NRXN1: variants seen among roughly 807,000 people sequenced by gnomAD.
NRXN1 encodes the protein neurexin 1.
Under a neutral mutation model 150.9 loss-of-function variants are expected in NRXN1, and 39 were observed. The ratio of observed to expected loss-of-function variants is 0.26; its 90% confidence interval spans 0.20 to 0.34. The LOEUF (loss-of-function observed/expected upper bound fraction) is 0.34. Ranked by LOEUF, NRXN1 falls within the 10% of genes least tolerant of loss-of-function variation. The pLI is 1.00. For missense variants in NRXN1, 1,815 were observed against 1,949.9 expected (o/e 0.93, Z 1.30); for synonymous variants, 924 against 757.0 (o/e 1.22, Z -3.62).
At chr2:50,511,561 A>T (rs1407267003) in intron 12 of NRXN1, among the ~76,000 whole-genome samples, 1 of 152,138 alleles carries the variant, frequency 6.6e-6, no homozygotes, top group East Asian at 1.9e-4. Flanking sequence ...GCTAAAACCT[A>T]TTGATAACAG....
At chr2:50,462,575 T>TAC (rs1343603631) in intron 17 of NRXN1, among the ~76,000 whole-genome samples, 6 of 151,864 alleles carry the variant, frequency 4.0e-5, no homozygotes, top group Non-Finnish European at 8.8e-5. Flanking sequence ...CATTACCCTG[T>TAC]ACACACACCT....
chr2:50,883,139 T>A (rs1005619591), intron 5 of NRXN1, among the ~76,000 whole-genome samples: 1 of 151,882 alleles, frequency 6.6e-6, no homozygotes, highest in Non-Finnish European at 1.5e-5. Context: ...TCTGAAAGTC[T>A]TGACCTTTGT....
chr2:50,032,599 A>G (rs897337150), intron 21 of NRXN1, among the ~76,000 whole-genome samples: 1 of 152,024 alleles, frequency 6.6e-6, no homozygotes, highest in Non-Finnish European at 1.5e-5. Context: ...TGTTCCCGGA[A>G]AATTCATAGG....
At chr2:50,673,043 T>G (rs1488838047) in intron 5 of NRXN1, among the ~76,000 whole-genome samples, 1 of 152,060 alleles carries the variant, frequency 6.6e-6, no homozygotes, top group Non-Finnish European at 1.5e-5. Context: ...CTGCATATAT[T>G]ACAAAGCAGA....
chr2:50,084,493 C>A (rs1698494059), intron 19 of NRXN1, among the ~76,000 whole-genome samples: 1 of 152,188 alleles, frequency 6.6e-6, no homozygotes, highest in South Asian at 2.1e-4. Context: ...GGCCGGCCGG[C>A]CGCTGCAAGT....
chr2:50,034,203 T>G (rs1489569752), intron 21 of NRXN1, among the ~76,000 whole-genome samples: 1 of 152,068 alleles, frequency 6.6e-6, no homozygotes, highest in Non-Finnish European at 1.5e-5. Flanking sequence ...ATATGTTCAT[T>G]GCAGCACCAT....
chr2:50,575,763 G>A (rs999192740), intron 8 of NRXN1, among the ~76,000 whole-genome samples: 1 of 152,144 alleles, frequency 6.6e-6, no homozygotes, highest in Admixed American at 6.5e-5. Context: ...CTGACTTGTA[G>A]AAAGTGTTCA....
intron 17 of NRXN1, among the ~76,000 whole-genome samples, chr2:50,327,627 C>T (rs149921843): frequency 6.6e-5 from 10 of 151,612 alleles, no homozygotes; most frequent in African/African-American, 2.4e-4. Context: ...CCCTCCTTCC[C>T]TCCCTTCCTT....
intron 5 of NRXN1, among the ~76,000 whole-genome samples, chr2:50,666,699 T>G (rs1688070989): frequency 6.6e-6 from 1 of 151,918 alleles, no homozygotes; most frequent in Non-Finnish European, 1.5e-5. Context: ...TCATTCAGAA[T>G]AGATTATGCA....
intron 5 of NRXN1, among the ~76,000 whole-genome samples, chr2:50,674,514 A>T (rs1050983802): frequency 6.6e-6 from 1 of 152,088 alleles, no homozygotes; most frequent in African/African-American, 2.4e-5. Context: ...TTAAGTATGG[A>T]AAATAGAAAG....
chr2:50,336,203 A>T (rs1340117589), intron 17 of NRXN1, among the ~76,000 whole-genome samples: 1 of 152,218 alleles, frequency 6.6e-6, no homozygotes, highest in African/African-American at 2.4e-5. Flanking sequence ...AATAAACAAC[A>T]ACAATTCTGG....
At chr2:50,480,082 T>C (rs1266501186) in intron 15 of NRXN1, among the ~76,000 whole-genome samples, 2 of 152,198 alleles carry the variant, frequency 1.3e-5, no homozygotes, top group Non-Finnish European at 2.9e-5. Context: ...CTGATCCCTT[T>C]CTTAAACACA....
chr2:50,222,672 C>A (rs2063988081), intron 18 of NRXN1, among the ~76,000 whole-genome samples: 1 of 151,692 alleles, frequency 6.6e-6, no homozygotes, highest in African/African-American at 2.4e-5. Context: ...GTAGCAGATG[C>A]ATGTTATGAG....
At chr2:50,772,803 T>C (rs1703167630) in intron 5 of NRXN1, among the ~76,000 whole-genome samples, 1 of 151,654 alleles carries the variant, frequency 6.6e-6, no homozygotes, top group Admixed American at 6.6e-5. Context: ...GAAAGGGAGG[T>C]GCTTACACTG....
chr2:50,541,119 A>C (rs2093379666), intron 9 of NRXN1, among the ~76,000 whole-genome samples: 1 of 152,254 alleles, frequency 6.6e-6, no homozygotes, highest in Admixed American at 6.5e-5. Context: ...CACGGAACTT[A>C]GCAAAGGAAC....
At chr2:50,552,163 A>G (rs1667629558) in intron 9 of NRXN1, among the ~76,000 whole-genome samples, 1 of 152,226 alleles carries the variant, frequency 6.6e-6, no homozygotes, top group South Asian at 2.1e-4. Flanking sequence ...GTGACGTGCC[A>G]AACTAAGGAT....
In NRXN1 at chr2:50,644,585, T is replaced by C. The variant is rs1271548912; in HGVS notation, c.833-20970A>G. Among the ~76,000 whole-genome samples, 6 of 151,674 alleles carry C rather than the reference T, an allele frequency of 4.0e-5. 1 individual carries two copies. In the East Asian group the frequency reaches 1.2e-3, roughly 30 times the overall value. ...CTATGGAATGAAATAAAATTCTCTA[T>C]TACCAGTTCACTAGAAGAATTTTTT... On this transcript the variant is annotated intron_variant, in intron 5 of 22. Coordinates refer to ENST00000401669, the MANE Select transcript of NRXN1 (RefSeq NM_001330078.2).
chr2:50,816,049 A>G (rs1297005358), intron 5 of NRXN1, among the ~76,000 whole-genome samples: 2 of 152,174 alleles, frequency 1.3e-5, no homozygotes, highest in Non-Finnish European at 2.9e-5. Flanking sequence ...AATTAGTGCA[A>G]CCAAAACACT....
In NRXN1 at chr2:50,694,125, C is replaced by T. The variant is rs952495505; in HGVS notation, c.833-70510G>A. 1.7e-4 allele frequency among the ~76,000 whole-genome samples: 26 copies of T among 152,048 alleles called. 1 individual carries two copies. The highest frequency in any genetic ancestry group is 1.4e-3 in the Admixed American group (21 of 15,246). ...TTTTATTTTGAGGTTTAGGGACTAA[C>T]GTGTGTATGATTTAGCAAGTGATGT... On this transcript the variant is annotated intron_variant, in intron 5 of 22. Transcript: ENST00000401669.
Sources: gnomAD v4.1 joint callset for allele counts (sites outside exome capture counted in the v4.1 genomes callset) on GRCh38, gnomAD v4.1.1 for gene constraint, MANE v1.5 for transcripts, NCBI Gene and HGNC (gene_info 2026-07-23, HGNC 2026-07-21) for gene names.